PXK: variants seen among roughly 807,000 people sequenced by gnomAD.
PXK encodes PX domain-containing protein kinase-like protein.
In PXK, 35 loss-of-function variants were observed where a neutral mutation model predicts 84.7. That is an observed-to-expected ratio of 0.41 (90% CI 0.32 to 0.55). The LOEUF (loss-of-function observed/expected upper bound fraction) is 0.55, where lower values mean the gene tolerates loss of function less well. Among genes scored for constraint, PXK ranks in the 20% least tolerant of loss-of-function variants. The probability of loss-of-function intolerance (pLI) is 0.21; values close to 1 mark genes in which losing one functional copy is unlikely to be tolerated. For missense variants in PXK, 634 were observed against 699.7 expected (o/e 0.91, Z 1.06); for synonymous variants, 253 against 260.8 (o/e 0.97, Z 0.29).
In PXK at chr3:58,394,546, G is replaced by A. The variant is rs375909546; in HGVS notation, c.616-452G>A. Among the ~76,000 whole-genome samples the A allele has an allele frequency of 2.6e-5, 4 of 152,310 alleles. No homozygotes were observed. The East Asian group carries it at 5.8e-4, about 22-fold the overall frequency. On this transcript the variant is annotated intron_variant, in intron 7 of 17. Transcript: ENST00000356151. ...TGGCACCCAAACAGCAGTGTGGAAT[G>A]TTAGGCAAAGCTGTGAGCAAAGACA...
intron 1 of PXK, among the ~76,000 whole-genome samples, chr3:58,340,947 C>G (rs2097717997): frequency 6.7e-6 from 1 of 149,734 alleles, no homozygotes; most frequent in Non-Finnish European, 1.5e-5. Flanking sequence ...GTTTGGGATA[C>G]CAGAGGGGGA....
chr3:58,333,194 G>C lies in PXK; in HGVS notation c.102+104G>C, dbSNP rs2097526528. 4.6e-6 allele frequency: 3 copies of C among 651,286 alleles called. No individual in the cohort carries two copies. The highest frequency in any genetic ancestry group is 6.1e-5 in the Admixed American group (1 of 16,476). The allele number at this position is 651,286 out of a possible 1,614,324, so 40.3% of individuals were successfully genotyped here. A position where few individuals can be genotyped will look rare whatever the true frequency, so the allele number is the denominator to read the frequency against. ...CGGGCAGGGTCGTCGGACGGAGACC[G>C]GGCCACAGGGTGGGCGGCCCTGGCC... On this transcript the variant is annotated intron_variant, in intron 1 of 17. Coordinates refer to ENST00000356151, the MANE Select transcript of PXK (RefSeq NM_017771.5). This position sits in a 1 kb window ranked among gnomAD's most constrained non-coding sequence, Gnocchi z 5.4.
chr3:58,376,374 C>A (rs1353375250), intron 3 of PXK, among the ~76,000 whole-genome samples: 3 of 152,072 alleles, frequency 2.0e-5, no homozygotes, highest in African/African-American at 7.2e-5. Context: ...AAGATTGTGT[C>A]ATTGCACTCC....
chr3:58,336,071 A>ATATATTTTTTTT (rs1284780630), intron 1 of PXK, among the ~76,000 whole-genome samples: 3 of 51,570 alleles, frequency 5.8e-5, no homozygotes, highest in African/African-American at 3.0e-4. Context: ...ATATATATAT[A>ATATATTTTTTTT]TTTTTTTTTT....
rs953226447 is a variant in PXK, at chr3:58,398,325, C to T, written c.1102+603C>T. 4.6e-5 allele frequency among the ~76,000 whole-genome samples: 7 copies of T among 152,244 alleles called. No homozygotes were observed. The highest frequency in any genetic ancestry group is 2.1e-4 in the South Asian group (1 of 4,830). On this transcript the variant is annotated intron_variant, in intron 11 of 17. Coordinates refer to ENST00000356151, the MANE Select transcript of PXK (RefSeq NM_017771.5). The surrounding 1 kb of genome is among the most constrained non-coding windows in gnomAD (Gnocchi z 4.5). ...CTGAGGCACGAGAATTGCTTGAACC[C>T]GCCTCTTGGGAGGTGGAGGTTGCAG...
chr3:58,423,437 A>G (rs1174029959), intron 17 of PXK: 3 of 1,524,994 alleles, frequency 2.0e-6, no homozygotes, highest in Non-Finnish European at 1.8e-6. Flanking sequence ...GAGCGTGTGT[A>G]TTTGTGTGAT....
chr3:58,352,382 C>T (rs1559890807), intron 1 of PXK, among the ~76,000 whole-genome samples: 1 of 152,220 alleles, frequency 6.6e-6, no homozygotes, highest in Non-Finnish European at 1.5e-5. Context: ...GAAAAAGCAT[C>T]ATTTCCAGCG....
intron 3 of PXK, among the ~76,000 whole-genome samples, chr3:58,376,720 A>G (rs1399294231): frequency 1.3e-5 from 2 of 151,986 alleles, no homozygotes; most frequent in African/African-American, 4.8e-5. Context: ...GCTCACTGCA[A>G]CCTTTGCCTC....
chr3:58,338,953 G>A (rs1039700174), intron 1 of PXK, among the ~76,000 whole-genome samples: 5 of 151,836 alleles, frequency 3.3e-5, no homozygotes, highest in African/African-American at 1.2e-4. Context: ...AAAGTGTTGG[G>A]ATTACAGGCG....
At chr3:58,392,249 G>A (rs2098638667) in intron 7 of PXK, among the ~76,000 whole-genome samples, 1 of 152,120 alleles carries the variant, frequency 6.6e-6, no homozygotes, top group African/African-American at 2.4e-5. Context: ...TTTTCTGTCT[G>A]AGTTACTACC....
intron 9 of PXK, 23 bp downstream of exon 9, chr3:58,395,782 T>C (rs1209086587): frequency 6.4e-7 from 1 of 1,564,920 alleles, no homozygotes; most frequent in African/African-American, 1.4e-5. Flanking sequence ...TTTGTTTAAG[T>C]TGCATTCAGA....
chr3:58,382,619 A>T lies in PXK; in HGVS notation c.307A>T (p.Ile103Phe), dbSNP rs770219681. The T allele has an allele frequency of 7.9e-5, 126 of 1,603,622 alleles. No individual in the cohort carries two copies. The highest frequency in any genetic ancestry group is 1.0e-4 in the Non-Finnish European group (122 of 1,176,936). The change falls in exon 4 of 18, where the codon ATC (isoleucine) becomes TTC (phenylalanine). Residue 103 changes from isoleucine to phenylalanine, a missense_variant. Coordinates refer to ENST00000356151, the MANE Select transcript of PXK (RefSeq NM_017771.5). The stretch of plus-strand genomic sequence containing the variant: ...AGGTCTTCAGAACTATCTCAACGTG[A>T]TCACAACAAATCATATCTTGTCTAA... ...QKGLQNYLNV[I>F]TTNHILSNCE... is the part of the protein sequence containing the mutation.
At chr3:58,350,605 A>T (rs535583915) in intron 1 of PXK, among the ~76,000 whole-genome samples, 1 of 152,238 alleles carries the variant, frequency 6.6e-6, no homozygotes, top group South Asian at 2.1e-4. Flanking sequence ...CTCATCACAT[A>T]CTAGTGGTGC....
chr3:58,406,619 C>T (rs559115345), intron 13 of PXK, among the ~76,000 whole-genome samples: 41 of 152,220 alleles, frequency 2.7e-4, no homozygotes, highest in Admixed American at 7.2e-4. Context: ...ACTCTCTGAA[C>T]CATTTTTAAG....
rs773826594 is a variant in PXK at position 58,424,842 on chromosome 3, C to T, written c.1619C>T (p.Ser540Leu). 38 of 1,614,208 alleles carry T rather than the reference C, an allele frequency of 2.4e-5. No homozygotes were observed. Among genetic ancestry groups the T allele is most frequent in the South Asian group, 2.3e-4 (21 of 91,074 alleles). ...AGCACCGAGGCACCTGCCCAGCTCTCGTCTCAGGCTGTGAATGGCATGAGC... is the reference window on the plus strand; with the variant it reads ...AGCACCGAGGCACCTGCCCAGCTCTTGTCTCAGGCTGTGAATGGCATGAGC... The part of the protein sequence containing the change: ...PASTEAPAQL[S>L]SQAVNGMSRG... Residue 540 changes from serine to leucine, a missense_variant, in exon 18 of 18, where the codon TCG becomes TTG. Ser to Leu is a moderately radical substitution (Grantham distance 145). Around this residue, in one of 3 missense-constraint regions of PXK, gnomAD observed 273 missense variants for 283.6 expected, o/e 0.96. Transcript: ENST00000356151.
At chr3:58,338,068 G>A (rs114530334) in intron 1 of PXK, among the ~76,000 whole-genome samples, 1,874 of 152,206 alleles carry the variant, frequency 0.012, 28 homozygotes, top group Non-Finnish European at 0.018. Flanking sequence ...TTAGCCAGGC[G>A]TGGTGGCTCG....
chr3:58,392,295 G>C (rs1382925843), intron 7 of PXK, among the ~76,000 whole-genome samples: 5 of 152,144 alleles, frequency 3.3e-5, no homozygotes, highest in Non-Finnish European at 5.9e-5. Flanking sequence ...AGGAATACAT[G>C]ATATTATTTA....
At chr3:58,336,003 C>T (rs1188652344) in intron 1 of PXK, among the ~76,000 whole-genome samples, 11 of 124,636 alleles carry the variant, frequency 8.8e-5, no homozygotes, top group Non-Finnish European at 1.6e-4. Flanking sequence ...GTCCATAGTT[C>T]CTTTCATTTA....
intron 13 of PXK, 43 bp downstream of exon 13, chr3:58,403,953 GT>G (rs2059005976): frequency 1.5e-6 from 2 of 1,344,432 alleles, no homozygotes; most frequent in African/African-American, 1.5e-5. Context: ...ACATAACTAA[GT>G]TGACTTTGAA....
Sources: allele counts gnomAD v4.1 joint callset (sites outside exome capture counted in the v4.1 genomes callset), GRCh38; gene constraint gnomAD v4.1.1; regional missense constraint gnomAD v4.1.1; non-coding constraint Gnocchi (gnomAD v3.1); transcripts MANE v1.5; gene names NCBI Gene and HGNC (gene_info 2026-07-23, HGNC 2026-07-21).